Variants in FBXO36 observed in about 807,000 individuals in gnomAD.
FBXO36 encodes the protein F-box protein 36, also known as F-box only protein 36.
A neutral mutation model predicts 17.0 loss-of-function variants in FBXO36; 18 were observed. The observed-to-expected ratio is 1.06, with a 90% CI of 0.73 to 1.57. The LOEUF (loss-of-function observed/expected upper bound fraction) is 1.57. Among genes scored for constraint, FBXO36 ranks in the 40% most tolerant of loss-of-function variants. The pLI, the probability that FBXO36 is intolerant of heterozygous loss-of-function variation, is 0.00. For missense variants in FBXO36, 229 were observed against 221.9 expected (o/e 1.03, Z -0.20); for synonymous variants, 83 against 85.3 (o/e 0.97, Z 0.15).
At chr2:229,932,966 C>T in intron 1 of FBXO36, 1 of 194,634 alleles carries the variant, frequency 5.1e-6, no homozygotes, top group South Asian at 6.5e-5. Context: ...ACTCAGGAGG[C>T]TGAGGTAGAA....
intron 2 of FBXO36, among the ~76,000 whole-genome samples, chr2:229,992,453 T>C (rs1470941394): frequency 6.6e-6 from 1 of 152,156 alleles, no homozygotes; most frequent in Non-Finnish European, 1.5e-5. Flanking sequence ...CGACCACACC[T>C]GGCCCTCACT....
chr2:229,987,969 AT>A (rs1297369664), intron 2 of FBXO36, among the ~76,000 whole-genome samples: 3 of 152,074 alleles, frequency 2.0e-5, no homozygotes, highest in Non-Finnish European at 2.9e-5. Flanking sequence ...TCTCCTCTAA[AT>A]TTTCTTTAAC....
intron 1 of FBXO36, among the ~76,000 whole-genome samples, chr2:229,963,621 T>C (rs1373518082): frequency 1.3e-5 from 2 of 151,802 alleles, no homozygotes; most frequent in African/African-American, 4.8e-5. Flanking sequence ...ATTTTTTGTA[T>C]TTTTAGTAGA....
Position 230,010,984 on chromosome 2 carries a change from G to A in FBXO36, c.*100G>A. The A allele has an allele frequency of 2.4e-6, 3 of 1,256,994 alleles. No individual in the cohort carries two copies. The East Asian group carries it at 7.8e-5, about 32-fold the overall frequency. The allele number at this position is 1,256,994 out of a possible 1,614,324, so 77.9% of individuals were successfully genotyped here. ...CTTTTCTTAAGAACTAAGAGGTTTT[G>A]TTGATGCGTGGAGCCATTTGAAACT... On this transcript the variant is annotated 3_prime_UTR_variant, in exon 4 of 4. Coordinates refer to ENST00000283946, the MANE Select transcript of FBXO36 (RefSeq NM_174899.5).
chr2:229,969,036 A>G (rs1285931557), intron 1 of FBXO36, among the ~76,000 whole-genome samples: 1 of 152,056 alleles, frequency 6.6e-6, no homozygotes, highest in Non-Finnish European at 1.5e-5. Context: ...TTGGCCTCTT[A>G]AAGGCATGAG....
At chr2:229,996,575 G>C (rs1381690995) in intron 2 of FBXO36, among the ~76,000 whole-genome samples, 176 bp from the exon 3 acceptor site, 2 of 152,162 alleles carry the variant, frequency 1.3e-5, no homozygotes, top group African/African-American at 4.8e-5. Flanking sequence ...GGAAACAGAT[G>C]CCTCAAAAAT....
intron 1 of FBXO36, among the ~76,000 whole-genome samples, chr2:229,926,242 C>G (rs2076911555): frequency 6.6e-6 from 1 of 151,804 alleles, no homozygotes; most frequent in African/African-American, 2.4e-5. Context: ...CCAGCCTGGC[C>G]AACATGGCAA....
At chr2:229,940,351 A>C (rs57734375) in intron 1 of FBXO36, among the ~76,000 whole-genome samples, 1,721 of 152,296 alleles carry the variant, frequency 0.011, 31 homozygotes, top group African/African-American at 0.039. Flanking sequence ...ATGGATACGT[A>C]AAGACATAGT....
chr2:229,982,793 A>G (rs1048133140), intron 2 of FBXO36, among the ~76,000 whole-genome samples: 2 of 151,614 alleles, frequency 1.3e-5, no homozygotes, highest in African/African-American at 4.8e-5. Flanking sequence ...AAAAAAAAAA[A>G]AAAAAAGGAT....
At chr2:229,997,297 C>A (rs952399716) in intron 3 of FBXO36, among the ~76,000 whole-genome samples, 4 of 151,224 alleles carry the variant, frequency 2.6e-5, no homozygotes, top group Admixed American at 6.6e-5. Flanking sequence ...AAGGAACAAC[C>A]AAGCAGAAGC....
At chr2:229,929,453 C>CT (rs1210750365) in intron 1 of FBXO36, among the ~76,000 whole-genome samples, 1 of 152,010 alleles carries the variant, frequency 6.6e-6, no homozygotes, top group Non-Finnish European at 1.5e-5. Context: ...ATAGTCCCAG[C>CT]TACTGGGGAG....
rs1345415946 is a variant in FBXO36, at chr2:229,922,619, A to G, written c.96+10A>G. 6.2e-7 allele frequency: 1 copy of G among 1,613,714 alleles called. No homozygotes were observed. Among genetic ancestry groups the G allele is most frequent in the Admixed American group, 1.7e-5 (1 of 60,002 alleles). On this transcript the variant is annotated intron_variant, in intron 1 of 3. Coordinates refer to ENST00000283946, the MANE Select transcript of FBXO36 (RefSeq NM_174899.5). ...GGTCACCCGGTCTCAGGCAAGTGCG[A>G]GCCGCGGTTTACCCTCTCTCCTAAC... is the stretch of plus-strand genomic sequence containing the variant.
chr2:229,959,716 G>T (rs957922072), intron 1 of FBXO36, among the ~76,000 whole-genome samples: 8 of 151,906 alleles, frequency 5.3e-5, no homozygotes, highest in African/African-American at 1.7e-4. Context: ...CGTGGTGGTG[G>T]GCGCCTGTAG....
At chr2:229,953,612 C>T (rs571791733) in intron 1 of FBXO36, among the ~76,000 whole-genome samples, 6 of 151,086 alleles carry the variant, frequency 4.0e-5, no homozygotes, top group Non-Finnish European at 7.4e-5. Flanking sequence ...GCCCTGGCTG[C>T]AGTAAGCTGA....
chr2:229,959,784 T>TG lies in FBXO36; in HGVS notation c.97-16456dup, dbSNP rs1428147022. On this transcript the variant is annotated intron_variant, in intron 1 of 3. Transcript: ENST00000283946. ...TGGCGTGAACCCAGGAGGTGGAGCTTGCAGTGAGCCAAGATCGTCCCACTG... is the reference window on the plus strand; with the variant it reads ...TGGCGTGAACCCAGGAGGTGGAGCTTGGCAGTGAGCCAAGATCGTCCCACTG... Among the ~76,000 whole-genome samples the TG allele has an allele frequency of 2.6e-5, 4 of 151,660 alleles. No individual in the cohort carries two copies. The East Asian group carries it at 7.8e-4, about 29-fold the overall frequency.
chr2:229,933,104 T>C (rs2076947602), intron 1 of FBXO36, among the ~76,000 whole-genome samples: 1 of 152,124 alleles, frequency 6.6e-6, no homozygotes, highest in Non-Finnish European at 1.5e-5. Context: ...GCATCGAAGA[T>C]TGTATATTAG....
chr2:229,954,684 A>G (rs1198289248), intron 1 of FBXO36, among the ~76,000 whole-genome samples: 1 of 150,454 alleles, frequency 6.6e-6, no homozygotes, highest in African/African-American at 2.5e-5. Flanking sequence ...AGTAGCTGGG[A>G]CTACAGGCAC....
At chr2:229,925,754 T>C (rs1488034613) in intron 1 of FBXO36, among the ~76,000 whole-genome samples, 1 of 152,218 alleles carries the variant, frequency 6.6e-6, no homozygotes, top group Non-Finnish European at 1.5e-5. Flanking sequence ...GTCCAGAATA[T>C]AAATGTTATA....
At chr2:229,929,607 T>G (rs1266189208) in intron 1 of FBXO36, among the ~76,000 whole-genome samples, 2 of 151,546 alleles carry the variant, frequency 1.3e-5, no homozygotes, top group African/African-American at 4.9e-5. Context: ...GCGCGGTGGC[T>G]CATGCCTGTA....
Sources: allele counts gnomAD v4.1 joint callset (sites outside exome capture counted in the v4.1 genomes callset), GRCh38; gene constraint gnomAD v4.1.1; transcripts MANE v1.5; gene names NCBI Gene and HGNC (gene_info 2026-07-23, HGNC 2026-07-21).